The following ADCK1 variants were observed in gnomAD, a reference collection of about 807,000 sequenced individuals.
ADCK1 encodes the protein aarF domain-containing protein kinase 1.
ADCK1 carries 41 observed loss-of-function variants against 52.3 expected under a neutral mutation model. The ratio of observed to expected loss-of-function variants is 0.78; its 90% CI spans 0.61 to 1.02. The LOEUF is 1.02. Among genes scored for constraint, ADCK1 ranks in the 50% least tolerant of loss-of-function variants. ADCK1 has a pLI of 0.00. For synonymous variants in ADCK1, 250 were observed against 274.6 expected (o/e 0.91, Z 0.89); for missense variants, 658 against 679.5 (o/e 0.97, Z 0.35).
chr14:77,869,876 A>T (rs1483223301), intron 4 of ADCK1, among the ~76,000 whole-genome samples: 3 of 152,066 alleles, frequency 2.0e-5, no homozygotes. Flanking sequence ...AGAGGGCCTG[A>T]CCCTGCTCCC....
chr14:77,875,060 AG>A (rs2140175602), intron 4 of ADCK1, among the ~76,000 whole-genome samples: 1 of 152,132 alleles, frequency 6.6e-6, no homozygotes, highest in South Asian at 2.1e-4. Flanking sequence ...GGGTGTGCTG[AG>A]GGGGTCTGAG....
At chr14:77,905,441 T>C (rs2083644097) in intron 6 of ADCK1, among the ~76,000 whole-genome samples, 1 of 151,474 alleles carries the variant, frequency 6.6e-6, no homozygotes, top group Admixed American at 6.6e-5. Flanking sequence ...CTCAGTGATC[T>C]GCCCTCCTTG....
chr14:77,821,971 G>A (rs2081593154), intron 2 of ADCK1, among the ~76,000 whole-genome samples: 1 of 151,844 alleles, frequency 6.6e-6, no homozygotes, highest in African/African-American at 2.4e-5. Context: ...GTGGAGAAGT[G>A]GGCTAAGTTT....
At chr14:77,891,410 A>AGCT (rs1259118327) in intron 5 of ADCK1, among the ~76,000 whole-genome samples, 1 of 152,242 alleles carries the variant, frequency 6.6e-6, no homozygotes, top group Non-Finnish European at 1.5e-5. Context: ...TCAGGCAGGA[A>AGCT]GCTGCCTCTG....
chr14:77,891,385 G>T (rs544867096), intron 5 of ADCK1, among the ~76,000 whole-genome samples: 2 of 152,352 alleles, frequency 1.3e-5, no homozygotes, highest in East Asian at 3.9e-4. Flanking sequence ...CTGAATCCCA[G>T]AAGCCACTCC....
chr14:77,853,065 C>G (rs1006562334), intron 3 of ADCK1, among the ~76,000 whole-genome samples: 2 of 141,792 alleles, frequency 1.4e-5, no homozygotes, highest in Non-Finnish European at 3.1e-5. Flanking sequence ...TATTTTTTTC[C>G]CCCTGCAATG....
intron 1 of ADCK1, among the ~76,000 whole-genome samples, chr14:77,818,416 G>T (rs1028164422): frequency 1.3e-5 from 2 of 151,918 alleles, no homozygotes; most frequent in African/African-American, 4.8e-5. Context: ...TGAGTAGCTG[G>T]GACCACAGGC....
At chr14:77,849,043 T>C (rs1353664131) in intron 3 of ADCK1, among the ~76,000 whole-genome samples, 1 of 152,076 alleles carries the variant, frequency 6.6e-6, no homozygotes, top group East Asian at 1.9e-4. Flanking sequence ...TTAGCCAGGA[T>C]GGTCTCCATC....
intron 3 of ADCK1, among the ~76,000 whole-genome samples, chr14:77,853,247 G>A (rs2082351190): frequency 6.6e-6 from 1 of 151,798 alleles, no homozygotes; most frequent in Non-Finnish European, 1.5e-5. Flanking sequence ...TGCCTCCCAA[G>A]TAGCTGGGAT....
At position 77,821,796 on chromosome 14, in the gene ADCK1, G is replaced by GC. The variant is rs1419028174; in HGVS notation, c.136-638dup. On this transcript the variant is annotated intron_variant, in intron 2 of 10. Coordinates refer to ENST00000238561, the MANE Select transcript of ADCK1 (RefSeq NM_020421.4). ...CTTGGGAGGCTGAGGCAGGAGAATT[G>GC]CTTGAACCTGGAAGGCCGAGCCTGC... is the stretch of plus-strand genomic sequence containing the variant. Among the ~76,000 whole-genome samples the GC allele has an allele frequency of 2.0e-5, 3 of 149,086 alleles. No individual in the cohort carries two copies. The East Asian group carries it at 6.0e-4, about 30-fold the overall frequency.
chr14:77,833,590 A>T (rs1271305980), intron 3 of ADCK1, among the ~76,000 whole-genome samples: 1 of 152,192 alleles, frequency 6.6e-6, no homozygotes, highest in African/African-American at 2.4e-5. Context: ...TGAATACTGC[A>T]TCGAAATCTG....
intron 4 of ADCK1, 70 bp downstream of exon 4, chr14:77,859,349 C>A: frequency 6.8e-7 from 1 of 1,470,920 alleles, no homozygotes; most frequent in Non-Finnish European, 9.2e-7. Context: ...TGAATTCTTG[C>A]AGCCTCGACC....
At chr14:77,848,166 A>C (rs1161340157) in intron 3 of ADCK1, among the ~76,000 whole-genome samples, 1 of 152,168 alleles carries the variant, frequency 6.6e-6, no homozygotes, top group Non-Finnish European at 1.5e-5. Context: ...TGGCTTCCCA[A>C]AGTGCTTGGA....
At chr14:77,828,904 A>G (rs1453284298) in intron 3 of ADCK1, among the ~76,000 whole-genome samples, 3 of 151,418 alleles carry the variant, frequency 2.0e-5, no homozygotes, top group African/African-American at 7.2e-5. Context: ...TATAATCCAG[A>G]CAATACTTTT....
At chr14:77,914,468 A>G in intron 7 of ADCK1, 1 of 985,444 alleles carries the variant, frequency 1.0e-6, no homozygotes, top group African/African-American at 1.7e-5. Flanking sequence ...ATTTGCTTTC[A>G]GCAAATGATT....
intron 3 of ADCK1, among the ~76,000 whole-genome samples, chr14:77,854,518 T>A (rs920774374): frequency 1.3e-5 from 2 of 151,882 alleles, no homozygotes; most frequent in African/African-American, 2.4e-5. Context: ...CAGGGTCAAC[T>A]AATTCTTAGA....
intron 7 of ADCK1, 94 bp from the exon 8 acceptor site, chr14:77,924,362 TC>T: frequency 6.7e-7 from 1 of 1,498,226 alleles, no homozygotes; most frequent in Non-Finnish European, 9.0e-7. Flanking sequence ...TTCTCTGGCC[TC>T]CCCTTAAAAG....
At chr14:77,882,018 G>A (rs912219944) in intron 4 of ADCK1, among the ~76,000 whole-genome samples, 1 of 152,184 alleles carries the variant, frequency 6.6e-6, no homozygotes, top group African/African-American at 2.4e-5. Context: ...GAAGTGGTAC[G>A]GGGAGAACTG....
chr14:77,888,969 G>A (rs2083223098), intron 5 of ADCK1, among the ~76,000 whole-genome samples: 1 of 152,196 alleles, frequency 6.6e-6, no homozygotes, highest in African/African-American at 2.4e-5. Flanking sequence ...GACCTGGTGG[G>A]AGGTAATTGA....
Sources: allele counts gnomAD v4.1 joint callset (sites outside exome capture counted in the v4.1 genomes callset), GRCh38; gene constraint gnomAD v4.1.1; transcripts MANE v1.5; gene names NCBI Gene and HGNC (gene_info 2026-07-23, HGNC 2026-07-21).